Variants in TMEM260 observed in about 807,000 individuals in gnomAD.
TMEM260 encodes protein O-mannosyl-transferase TMEM260.
Under a neutral mutation model 88.9 loss-of-function variants are expected in TMEM260, and 82 were observed. The ratio of observed to expected loss-of-function variants is 0.92; its 90% CI spans 0.77 to 1.11. The LOEUF is 1.11. Ranked by LOEUF, TMEM260 falls within the 50% of genes least tolerant of loss-of-function variation. The probability of loss-of-function intolerance (pLI) is 0.00; values close to 1 mark genes in which losing one functional copy is unlikely to be tolerated. For synonymous variants in TMEM260, 314 were observed against 309.3 expected (o/e 1.02, Z -0.16); for missense variants, 902 against 853.4 (o/e 1.06, Z -0.71).
intron 14 of TMEM260, 27 bp downstream of exon 14, chr14:56,634,979 C>T (rs768699110): frequency 5.0e-6 from 8 of 1,605,826 alleles, no homozygotes; most frequent in Non-Finnish European, 6.8e-6. Flanking sequence ...TTTGTGTGTG[C>T]AGTCTATTTT....
intron 3 of TMEM260, among the ~76,000 whole-genome samples, chr14:56,591,934 G>A (rs1475493652): frequency 2.0e-5 from 3 of 152,096 alleles, no homozygotes; most frequent in East Asian, 3.8e-4. Flanking sequence ...GAAATTTTGT[G>A]ATTACATTTT....
intron 15 of TMEM260, among the ~76,000 whole-genome samples, chr14:56,646,736 C>G (rs1002970044): frequency 6.6e-6 from 1 of 152,082 alleles, no homozygotes; most frequent in South Asian, 2.1e-4. Context: ...ATTGTTTTAT[C>G]GTTGCTAGTG....
chr14:56,612,220 A>G (rs745750066), intron 6 of TMEM260, 25 bp from the exon 7 acceptor site: 11 of 1,602,136 alleles, frequency 6.9e-6, no homozygotes, highest in Non-Finnish European at 6.8e-6. Flanking sequence ...GCTTGTGCAG[A>G]TAAACTTTTG....
chr14:56,580,401 C>T (rs1301836549), intron 1 of TMEM260, among the ~76,000 whole-genome samples: 2 of 152,316 alleles, frequency 1.3e-5, no homozygotes, highest in African/African-American at 4.8e-5. Flanking sequence ...AGATATTATT[C>T]ACGGTGTCCT....
chr14:56,613,967 A>C (rs1887443492), intron 7 of TMEM260: 1 of 150,770 alleles, frequency 6.6e-6, no homozygotes. Flanking sequence ...CAGTGGTGAG[A>C]TCTCTGCTCA....
chr14:56,652,200 A>T (rs1405604005), downstream of TMEM260, among the ~76,000 whole-genome samples: 1 of 152,210 alleles, frequency 6.6e-6, no homozygotes, highest in Non-Finnish European at 1.5e-5. Flanking sequence ...ATCAGCTAAG[A>T]CACAGGAATT....
intron 15 of TMEM260, 149 bp from the exon 16 acceptor site, chr14:56,647,094 T>A (rs974411796): frequency 1.2e-6 from 1 of 813,912 alleles, no homozygotes; most frequent in African/African-American, 1.7e-5. Flanking sequence ...ATTCTTGGGT[T>A]CTCTGCATGG....
chr14:56,619,782 A>T (rs1887800542), intron 10 of TMEM260, among the ~76,000 whole-genome samples: 1 of 152,236 alleles, frequency 6.6e-6, no homozygotes. Flanking sequence ...CAATCTTATT[A>T]CTGGGTATAT....
intron 14 of TMEM260, 96 bp from the exon 15 acceptor site, chr14:56,636,412 C>A: frequency 1.1e-6 from 1 of 892,390 alleles, no homozygotes; most frequent in Non-Finnish European, 1.8e-6. Context: ...GGATTTTGTA[C>A]ATCCCTTATC....
intron 11 of TMEM260, among the ~76,000 whole-genome samples, chr14:56,622,670 A>C (rs1888004905): frequency 6.6e-6 from 1 of 152,210 alleles, no homozygotes; most frequent in Non-Finnish European, 1.5e-5. Flanking sequence ...ATAAAAGGGA[A>C]GAAACCTGTC....
At chr14:56,653,736 C>CAAAAAAAAAAAAAAAAAAAA (rs10522889), downstream of TMEM260, among the ~76,000 whole-genome samples, 2 of 66,604 alleles carry the variant, frequency 3.0e-5, no homozygotes, top group Non-Finnish European at 5.4e-5. Flanking sequence ...CTCTTGTCTC[C>CAAAAAAAAAAAAAAAAAAAA]AAAACAAAAA....
the TMEM260 span, among the ~76,000 whole-genome samples, chr14:56,659,368 G>C: frequency 1.3e-4 from 20 of 151,872 alleles, no homozygotes; most frequent in South Asian, 4.2e-4. Context: ...CAATAGATAG[G>C]ACAGTGGTCT....
chr14:56,596,429 T>TACACACAC (rs754452722), intron 3 of TMEM260, among the ~76,000 whole-genome samples: 5 of 139,456 alleles, frequency 3.6e-5, no homozygotes, highest in Non-Finnish European at 6.1e-5. Flanking sequence ...TATATATACA[T>TACACACAC]ACACACACAT....
At chr14:56,605,199 C>CTA (rs1886819494) in intron 4 of TMEM260, among the ~76,000 whole-genome samples, 2 of 152,046 alleles carry the variant, frequency 1.3e-5, no homozygotes, top group South Asian at 4.1e-4. Flanking sequence ...ATAAAAGAGG[C>CTA]TATATTTCAT....
chr14:56,640,489 C>T (rs1889500393), intron 15 of TMEM260, among the ~76,000 whole-genome samples: 2 of 152,146 alleles, frequency 1.3e-5, no homozygotes, highest in African/African-American at 4.8e-5. Context: ...ACCAAAAACC[C>T]ATCTGTACAT....
chr14:56,605,673 TAAAA>T lies in TMEM260; in HGVS notation c.629_632del (p.Lys210ArgfsTer10). On this transcript the variant is annotated frameshift_variant, in exon 5 of 16. Transcript: ENST00000261556. LOFTEE classifies it high-confidence loss of function. ...ATACCTTGGATTCTCTTTCAACTTTTAAAAAAGAAGGTACGTTTTTGAATTTTGT... is the reference window on the plus strand; with the variant it reads ...ATACCTTGGATTCTCTTTCAACTTTTAAGAAGGTACGTTTTTGAATTTTGT... 1 of 1,559,138 alleles carries T rather than the reference TAAAA, an allele frequency of 6.4e-7. No homozygotes were observed. The highest frequency in any genetic ancestry group is 8.7e-7 in the Non-Finnish European group (1 of 1,148,296).
At position 56,605,626 on chromosome 14, in the gene TMEM260, A is replaced by G. The variant is rs765327310; in HGVS notation, c.579A>G (p.Ile193Met). The part of the protein sequence containing the change: ...CGLSLCNQHT[I>M]ILYVLCIIPW... ...TTAGTTTATGTAACCAGCACACAAT[A>G]ATACTCTATGTTTTGTGCATAATAC... The change falls in exon 5 of 16, where the codon ATA (isoleucine) becomes ATG (methionine). Residue 193 changes from isoleucine (I) to methionine (M), a missense_variant. Physicochemically the swap from Ile to Met is conservative, Grantham distance 10. Coordinates refer to ENST00000261556, the MANE Select transcript of TMEM260 (RefSeq NM_017799.4). 5 of 1,598,058 alleles carry G rather than the reference A, an allele frequency of 3.1e-6. No homozygotes were observed. The highest frequency in any genetic ancestry group is 3.4e-6 in the Non-Finnish European group (4 of 1,174,280).
chr14:56,615,964 G>A lies in TMEM260; in HGVS notation c.878G>A (p.Arg293Lys), dbSNP rs754918397. ...TGCAGTTCTCAAGTAACAAATATGA[G>A]GACCGAACTCTCATTCAACATCCAA... Reference protein sequence around the residue: ...EILLSQVTNMRTELSFNIQAL... With the variant: ...EILLSQVTNMKTELSFNIQAL... Residue 293 changes from arginine to lysine, a missense_variant, in exon 8 of 16, where the codon AGG becomes AAG. Arg to Lys is a conservative substitution (Grantham distance 26, BLOSUM62 2). Coordinates refer to ENST00000261556, the MANE Select transcript of TMEM260 (RefSeq NM_017799.4). The A allele has an allele frequency of 1.6e-5, 25 of 1,612,892 alleles. No individual in the cohort carries two copies. Among genetic ancestry groups the A allele is most frequent in the Middle Eastern group, 1.6e-4 (1 of 6,078 alleles).
At chr14:56,651,488 A>C (rs1890206201), downstream of TMEM260, among the ~76,000 whole-genome samples, 3 of 152,258 alleles carry the variant, frequency 2.0e-5, no homozygotes, top group African/African-American at 7.2e-5. Flanking sequence ...ATGTGAAGCC[A>C]ACAATTATTG....
Sources: gnomAD v4.1 joint callset for allele counts (sites outside exome capture counted in the v4.1 genomes callset) on GRCh38, gnomAD v4.1.1 for gene constraint, MANE v1.5 for transcripts, NCBI Gene and HGNC (gene_info 2026-07-23, HGNC 2026-07-21) for gene names.